SHANK1: variants seen among roughly 807,000 people sequenced by gnomAD.
The protein encoded by SHANK1 is SH3 and multiple ankyrin repeat domains protein 1.
A neutral mutation model predicts 165.6 loss-of-function variants in SHANK1; 35 were observed. The ratio of observed to expected loss-of-function variants is 0.21; its 90% CI spans 0.16 to 0.28. SHANK1 has a LOEUF of 0.28. Ranked by LOEUF, SHANK1 falls within the 10% of genes least tolerant of loss-of-function variation. SHANK1 has a pLI of 1.00. For synonymous variants in SHANK1, 1,428 were observed against 1,384.8 expected (o/e 1.03, Z -0.69); for missense variants, 2,681 against 3,036.4 (o/e 0.88, Z 2.75).
rs1315001187 is a variant in SHANK1 at position 50,717,842 on chromosome 19, G to A, written c.-43-880C>T. On this transcript the variant is annotated intron_variant, in intron 1 of 23. Coordinates refer to ENST00000293441, the MANE Select transcript of SHANK1 (RefSeq NM_016148.5). The surrounding 1 kb of genome is among the most constrained non-coding windows in gnomAD (Gnocchi z 5.5). ...CTAGGGGCTCCACTCTGAGGACTGG[G>A]GGTGTTAGGAGGGAGGCTAAGAAGT... is the stretch of plus-strand genomic sequence containing the variant. Among the ~76,000 whole-genome samples the A allele has an allele frequency of 6.6e-6, 1 of 152,102 alleles. No homozygotes were observed. The highest frequency in any genetic ancestry group is 1.5e-5 in the Non-Finnish European group (1 of 68,000).
chr19:50,684,227 A>AG (rs1363986406), intron 21 of SHANK1, among the ~76,000 whole-genome samples: 1 of 129,698 alleles, frequency 7.7e-6, no homozygotes, highest in Non-Finnish European at 1.7e-5. Context: ...ATAAGGAAGA[A>AG]GGTTTTTTTT....
At chr19:50,712,829 G>A (rs959075849) in intron 6 of SHANK1, among the ~76,000 whole-genome samples, 3 of 152,238 alleles carry the variant, frequency 2.0e-5, no homozygotes, top group East Asian at 1.9e-4. Context: ...GCACTTGAAC[G>A]TGGCTAGTGA....
At chr19:50,671,332 C>T (rs529922485) in intron 22 of SHANK1, among the ~76,000 whole-genome samples, 4 of 150,856 alleles carry the variant, frequency 2.7e-5, no homozygotes, top group Admixed American at 6.6e-5. Flanking sequence ...TACAGGTGCC[C>T]GCCACCACAC....
At position 50,690,364 on chromosome 19, in the gene SHANK1, C is replaced by T. The variant is rs1291071409; in HGVS notation, c.1965-1085G>A. Among the ~76,000 whole-genome samples the T allele has an allele frequency of 6.6e-6, 1 of 152,124 alleles. No individual in the cohort carries two copies. Among genetic ancestry groups the T allele is most frequent in the African/African-American group, 2.4e-5 (1 of 41,400 alleles). On this transcript the variant is annotated intron_variant, in intron 15 of 23. Transcript: ENST00000293441. This position sits in a 1 kb window ranked among gnomAD's most constrained non-coding sequence, Gnocchi z 4.9. ...AAACTCCTGACATGACCACTGTACA[C>T]CTCAGGAATATACATCCATTCCATT...
At position 50,667,635 on chromosome 19, in the gene SHANK1, C is replaced by T; in HGVS notation, c.4325G>A (p.Arg1442His). 1.4e-6 allele frequency: 2 copies of T among 1,414,684 alleles called. No individual in the cohort carries two copies. The highest frequency in any genetic ancestry group is 1.8e-6 in the Non-Finnish European group (2 of 1,093,956). 87.6% of individuals were successfully genotyped at this position (1,414,684 alleles called of 1,614,324 possible). The change falls in exon 23 of 24, where the codon CGT (arginine) becomes CAT (histidine). Residue 1442 changes from arginine to histidine, a missense_variant. Arg to His is a conservative substitution (Grantham distance 29). Coordinates refer to ENST00000293441, the MANE Select transcript of SHANK1 (RefSeq NM_016148.5). This position sits in a 1 kb window ranked among gnomAD's most constrained non-coding sequence, Gnocchi z 5.7. ...SLPASPPAARRSLLHRLPPTA... is the reference protein window; with the variant it reads ...SLPASPPAARHSLLHRLPPTA... ...GGGCGGCAGGCGGTGTAGCAGGGAACGCCGGGCGGCGGGCGGGCTGGCGGG... is the reference window on the plus strand; with the variant it reads ...GGGCGGCAGGCGGTGTAGCAGGGAATGCCGGGCGGCGGGCGGGCTGGCGGG...
At chr19:50,692,616 A>G (rs896609443) in intron 15 of SHANK1, among the ~76,000 whole-genome samples, 2 of 150,830 alleles carry the variant, frequency 1.3e-5, no homozygotes, top group Non-Finnish European at 3.0e-5. Context: ...CCCTCACCCA[A>G]TCCCCAGCTA....
Position 50,662,344 on chromosome 19 carries a change from C to T in SHANK1, c.6107G>A (p.Arg2036His), listed in dbSNP as rs144719481. ...TCCTGCCCCTCCAGTTGGGGAGCCA[C>T]GGATGTCAAAGAGGCCTGGGTAGAG... Reference protein sequence around the residue: ...GPLYPGLFDIRGSPTGGAGGS... With the variant: ...GPLYPGLFDIHGSPTGGAGGS... The change falls in exon 24 of 24, where the codon CGT (arginine) becomes CAT (histidine). Residue 2036 changes from arginine (R) to histidine (H), a missense_variant. Arg to His is a conservative substitution (Grantham distance 29). Transcript: ENST00000293441. The surrounding 1 kb of genome is among the most constrained non-coding windows in gnomAD (Gnocchi z 7.7). 1.9e-4 allele frequency: 312 copies of T among 1,601,258 alleles called. No homozygotes were observed. Among genetic ancestry groups the T allele is most frequent in the Non-Finnish European group, 2.6e-4 (301 of 1,172,450 alleles).
At chr19:50,695,384 CGCCGGGCGGCGGAGGGG>C (rs1321740695) in intron 15 of SHANK1, among the ~76,000 whole-genome samples, 1 of 145,806 alleles carries the variant, frequency 6.9e-6, no homozygotes, top group African/African-American at 2.5e-5. Flanking sequence ...TGGCGTCCTG[CGCCGGGCGGCGGAGGGG>C]GCCGGGCAGG....
At position 50,704,534 on chromosome 19, in the gene SHANK1, G is replaced by A; in HGVS notation, c.1078-20C>T. On this transcript the variant is annotated intron_variant, in intron 8 of 23. Coordinates refer to ENST00000293441, the MANE Select transcript of SHANK1 (RefSeq NM_016148.5). The stretch of plus-strand genomic sequence containing the variant: ...GGTCTCCTGCGGGTAATGGCCAGTG[G>A]CACAGGACAAAGAGAGAGAGAAAAA... 1.2e-6 allele frequency: 2 copies of A among 1,607,012 alleles called. No homozygotes were observed. The highest frequency in any genetic ancestry group is 1.7e-6 in the Non-Finnish European group (2 of 1,173,610).
At position 50,690,174 on chromosome 19, in the gene SHANK1, C is replaced by A. The variant is rs1296379208; in HGVS notation, c.1965-895G>T. 1.3e-5 allele frequency among the ~76,000 whole-genome samples: 2 copies of A among 152,144 alleles called. No homozygotes were observed. Among genetic ancestry groups the A allele is most frequent in the Non-Finnish European group, 2.9e-5 (2 of 68,024 alleles). Reference sequence around the variant, plus strand: ...AAATGGAGCTACTGCATGCAGTCAGCATATTCTATTATAGTAAAATGCAAA... The same window carrying A: ...AAATGGAGCTACTGCATGCAGTCAGAATATTCTATTATAGTAAAATGCAAA... On this transcript the variant is annotated intron_variant, in intron 15 of 23. Transcript: ENST00000293441. The surrounding 1 kb of genome is among the most constrained non-coding windows in gnomAD (Gnocchi z 4.9).
Position 50,697,105 on chromosome 19 carries a change from C to A in SHANK1, c.1955G>T (p.Gly652Val). ...FDAPSLMDGI[G>V]PGSDYIIKEK... is the part of the protein sequence containing the mutation. ...GCCCCTCGCCTCTCACCTCCCTGGG[C>A]CAATCCCATCCATTAAGCTTCCGAA... Residue 652 changes from glycine to valine, a missense_variant, in exon 15 of 24, where the codon GGC (glycine) becomes GTC (valine). Gly to Val is a moderately radical substitution (Grantham distance 109, BLOSUM62 -3). Coordinates refer to ENST00000293441, the MANE Select transcript of SHANK1 (RefSeq NM_016148.5). This position sits in a 1 kb window ranked among gnomAD's most constrained non-coding sequence, Gnocchi z 4.7. 6.2e-7 allele frequency: 1 copy of A among 1,612,400 alleles called. No homozygotes were observed. Among genetic ancestry groups the A allele is most frequent in the Non-Finnish European group, 8.5e-7 (1 of 1,179,464 alleles).
In SHANK1 at chr19:50,706,934, T is replaced by C. The variant is rs180979750; in HGVS notation, c.1078-2420A>G. On this transcript the variant is annotated intron_variant, in intron 8 of 23. Transcript: ENST00000293441. ...CTGAGATTACAGGCACCCACCACCA[T>C]GTCTGGCTAATTTTTGTATTTTTAG... is the stretch of plus-strand genomic sequence containing the variant. 6.4e-3 allele frequency among the ~76,000 whole-genome samples: 974 copies of C among 151,956 alleles called. 7 individuals carry two copies. The highest frequency in any genetic ancestry group is 6.8e-3 in the Non-Finnish European group (460 of 67,952).
In SHANK1 at chr19:50,674,489, G is replaced by A. The variant is rs537401382; in HGVS notation, c.2578-2375C>T. On this transcript the variant is annotated intron_variant, in intron 21 of 23. Transcript: ENST00000293441. The stretch of plus-strand genomic sequence containing the variant: ...ATTCACAACCATTCCCAGTTCCCTC[G>A]CTTCTCACTTCCGAGACTCTGCATG... Among the ~76,000 whole-genome samples, 4 of 152,114 alleles carry A rather than the reference G, an allele frequency of 2.6e-5. No individual in the cohort carries two copies. The East Asian group carries it at 5.8e-4, about 22-fold the overall frequency.
chr19:50,707,802 T>G (rs1219363369), intron 8 of SHANK1, among the ~76,000 whole-genome samples: 2 of 152,146 alleles, frequency 1.3e-5, no homozygotes, highest in Non-Finnish European at 2.9e-5. Flanking sequence ...AGTGTGTGTG[T>G]GCATGTGAGT....
chr19:50,697,020 C>G lies in SHANK1; in HGVS notation c.1964+76G>C. On this transcript the variant is annotated intron_variant, in intron 15 of 23. Transcript: ENST00000293441. The surrounding 1 kb of genome is among the most constrained non-coding windows in gnomAD (Gnocchi z 4.7). ...AAGAAACCTCAGCTCTGGTCGTGCA[C>G]ACACGTTCACACGCCCCCCAGGCAC... The G allele has an allele frequency of 1.6e-6, 2 of 1,224,472 alleles. No homozygotes were observed. Among genetic ancestry groups the G allele is most frequent in the Admixed American group, 3.4e-5 (2 of 58,792 alleles). 75.9% of individuals were successfully genotyped at this position (1,224,472 alleles called of 1,614,324 possible).
In SHANK1 at chr19:50,662,642, C is replaced by T. The variant is rs202176384; in HGVS notation, c.5809G>A (p.Val1937Ile). 1.9e-5 allele frequency: 29 copies of T among 1,563,682 alleles called. No individual in the cohort carries two copies. The African/African-American group carries it at 3.7e-4, about 20-fold the overall frequency. Reference sequence around the variant, plus strand: ...GGCCAGTTCTGAAACAGGCTGCTGACAGGCTTGGAGAGGAGTGAGGACTGG... The same window carrying T: ...GGCCAGTTCTGAAACAGGCTGCTGATAGGCTTGGAGAGGAGTGAGGACTGG... Reference protein sequence around the residue: ...DSQSSLLSKPVSSLFQNWPKP... With the variant: ...DSQSSLLSKPISSLFQNWPKP... Residue 1937 changes from valine to isoleucine, a missense_variant, in exon 24 of 24, where the codon GTC (valine) becomes ATC (isoleucine). Coordinates refer to ENST00000293441, the MANE Select transcript of SHANK1 (RefSeq NM_016148.5). The surrounding 1 kb of genome is among the most constrained non-coding windows in gnomAD (Gnocchi z 7.7).
chr19:50,712,201 C>G, intron 6 of SHANK1, 87 bp from the exon 7 acceptor site: 1 of 1,392,824 alleles, frequency 7.2e-7, no homozygotes, highest in Admixed American at 2.3e-5. Context: ...GGGGACTGGA[C>G]CGTCCTGGGT....
chr19:50,699,229 A>G (rs542636551), intron 12 of SHANK1, among the ~76,000 whole-genome samples: 1 of 152,354 alleles, frequency 6.6e-6, no homozygotes, highest in East Asian at 1.9e-4. Flanking sequence ...CTTGTAATCA[A>G]TCATTTGTTC....
At position 50,666,556 on chromosome 19, in the gene SHANK1, C is replaced by T. The variant is rs1298710520; in HGVS notation, c.5404G>A (p.Ala1802Thr). The T allele has an allele frequency of 1.3e-6, 2 of 1,598,112 alleles. No individual in the cohort carries two copies. The highest frequency in any genetic ancestry group is 8.5e-7 in the Non-Finnish European group (1 of 1,174,648). ...AGTDGLLALR[A>T]CSGPPTAGVA... Reference sequence around the variant, plus strand: ...CCTGCCGTGGGGGGTCCTGAACAAGCACGCAGGGCCAGCAGCCCATCGGTT... The same window carrying T: ...CCTGCCGTGGGGGGTCCTGAACAAGTACGCAGGGCCAGCAGCCCATCGGTT... The change falls in exon 23 of 24, where the codon GCT becomes ACT. Residue 1802 changes from alanine (A) to threonine (T), a missense_variant. By Grantham distance (58) the Ala-to-Thr change is moderately conservative (BLOSUM62 0). Transcript: ENST00000293441.
Sources: allele counts gnomAD v4.1 joint callset (sites outside exome capture counted in the v4.1 genomes callset), GRCh38; gene constraint gnomAD v4.1.1; non-coding constraint Gnocchi (gnomAD v3.1); transcripts MANE v1.5; gene names NCBI Gene and HGNC (gene_info 2026-07-23, HGNC 2026-07-21).